Variants in LAMC1 observed in about 807,000 individuals in gnomAD.
LAMC1 encodes the protein laminin subunit gamma 1.
A neutral mutation model predicts 173.6 loss-of-function variants in LAMC1; 38 were observed. The observed-to-expected ratio is 0.22, with a 90% CI of 0.17 to 0.29. The LOEUF is 0.29. LAMC1 is among the 10% of genes least tolerant of loss of function. The probability of loss-of-function intolerance (pLI) is 1.00; values close to 1 mark genes in which losing one functional copy is unlikely to be tolerated. For missense variants in LAMC1, 1,824 were observed against 2,051.8 expected (o/e 0.89, Z 2.14); for synonymous variants, 746 against 749.1 (o/e 1.00, Z 0.07).
chr1:183,055,572 G>T (rs558442122), intron 1 of LAMC1, among the ~76,000 whole-genome samples: 1 of 152,100 alleles, frequency 6.6e-6, no homozygotes, highest in African/African-American at 2.4e-5. Flanking sequence ...CCAGCATCTT[G>T]AGAGGCCAAG....
At chr1:183,030,438 T>C (rs1424728878) in intron 1 of LAMC1, among the ~76,000 whole-genome samples, 1 of 152,188 alleles carries the variant, frequency 6.6e-6, no homozygotes, top group Non-Finnish European at 1.5e-5. Flanking sequence ...TTCATAAAAA[T>C]ATATGTACAG....
In LAMC1 at chr1:183,023,732, C is replaced by T. The variant is rs1157501792; in HGVS notation, c.16C>T (p.Arg6Trp). The change falls in exon 1 of 28, where the codon CGG becomes TGG. Residue 6 changes from arginine to tryptophan, a missense_variant. Transcript: ENST00000258341. The part of the protein sequence containing the change: MRGSH[R>W]AAPALRPRGR... ...GGGCGGCGGGATGAGAGGGAGCCAT[C>T]GGGCCGCGCCGGCCCTGCGGCCCCG... 19 of 1,190,270 alleles carry T rather than the reference C, an allele frequency of 1.6e-5. No individual in the cohort carries two copies. The highest frequency in any genetic ancestry group is 2.0e-5 in the Non-Finnish European group (19 of 953,946). The allele number at this position is 1,190,270 out of a possible 1,614,324, so 73.7% of individuals were successfully genotyped here.
chr1:183,066,328 G>A (rs1654872187), intron 1 of LAMC1, among the ~76,000 whole-genome samples: 1 of 152,212 alleles, frequency 6.6e-6, no homozygotes, highest in Non-Finnish European at 1.5e-5. Flanking sequence ...AGGATGTGGG[G>A]AAATAGGAAT....
Position 183,142,689 on chromosome 1 carries a change from C to A in LAMC1, c.4729C>A (p.Arg1577=). The change falls in exon 28 of 28, where the codon CGA becomes AGA. Residue 1577 remains arginine, a synonymous_variant. Transcript: ENST00000258341. ...KQEAAIMDYN[R]DIEEIMKDIR... ...GGAGGCTGCCATCATGGACTATAAC[C>A]GAGATATCGAGGAGATCATGAAGGA... 2 of 1,614,040 alleles carry A rather than the reference C, an allele frequency of 1.2e-6. No individual in the cohort carries two copies. Among genetic ancestry groups the A allele is most frequent in the South Asian group, 2.2e-5 (2 of 91,066 alleles).
Position 183,134,597 on chromosome 1 carries a change from C to A in LAMC1, c.3850-63C>A, listed in dbSNP as rs1415907758. 5 of 1,357,252 alleles carry A rather than the reference C, an allele frequency of 3.7e-6. No homozygotes were observed. In the Admixed American group the frequency reaches 8.0e-5, roughly 22 times the overall value. 84.1% of individuals were successfully genotyped at this position (1,357,252 alleles called of 1,614,324 possible). On this transcript the variant is annotated intron_variant, in intron 22 of 27. Coordinates refer to ENST00000258341, the MANE Select transcript of LAMC1 (RefSeq NM_002293.4). ...TATTAGGTGTTACAGAGTTCCTAAGCCTACCTTTTCATTAGTTTAAATGTT... is the reference window on the plus strand; with the variant it reads ...TATTAGGTGTTACAGAGTTCCTAAGACTACCTTTTCATTAGTTTAAATGTT...
intron 1 of LAMC1, among the ~76,000 whole-genome samples, chr1:183,099,151 C>T (rs532685689): frequency 1.9e-3 from 282 of 152,078 alleles, no homozygotes; most frequent in Non-Finnish European, 3.1e-3. Flanking sequence ...TGCAATGTCG[C>T]GATCTCGGCT....
intron 4 of LAMC1, among the ~76,000 whole-genome samples, chr1:183,112,613 G>A (rs547528002): frequency 2.0e-5 from 3 of 152,238 alleles, no homozygotes; most frequent in East Asian, 1.9e-4. Flanking sequence ...GGGAGCCATG[G>A]CATTTGCTTT....
chr1:183,079,894 G>A (rs1392779453), intron 1 of LAMC1, among the ~76,000 whole-genome samples: 3 of 152,212 alleles, frequency 2.0e-5, no homozygotes, highest in African/African-American at 4.8e-5. Flanking sequence ...TCGTTTTACA[G>A]TGTTACTCAT....
At chr1:183,059,847 A>G (rs748615011) in intron 1 of LAMC1, among the ~76,000 whole-genome samples, 1 of 152,204 alleles carries the variant, frequency 6.6e-6, no homozygotes, top group Non-Finnish European at 1.5e-5. Context: ...AACTACGTGC[A>G]TCAGAGTAAG....
chr1:183,112,865 A>G (rs1656199870), intron 4 of LAMC1, among the ~76,000 whole-genome samples: 1 of 152,214 alleles, frequency 6.6e-6, no homozygotes, highest in South Asian at 2.1e-4. Flanking sequence ...GTACTATGAA[A>G]TAACTGATCA....
rs191524654 is a variant in LAMC1 at position 183,085,298 on chromosome 1, C to T, written c.419-18030C>T. Among the ~76,000 whole-genome samples the T allele has an allele frequency of 4.4e-3, 669 of 151,976 alleles. 5 individuals are homozygous for T. The highest frequency in any genetic ancestry group is 0.015 in the African/African-American group (642 of 41,458). On this transcript the variant is annotated intron_variant, in intron 1 of 27. Transcript: ENST00000258341. ...TGTACCTTTCCTAAGGCTTAGTACACCCTGCTCTGTGTTGCTCCTTGACTG... is the reference window on the plus strand; with the variant it reads ...TGTACCTTTCCTAAGGCTTAGTACATCCTGCTCTGTGTTGCTCCTTGACTG...
At chr1:183,110,418 T>C (rs1656111806) in intron 3 of LAMC1, 70 bp from the exon 4 acceptor site, 1 of 1,220,620 alleles carries the variant, frequency 8.2e-7, no homozygotes, top group Non-Finnish European at 1.2e-6. Context: ...TTTGTGTACA[T>C]AGTTTTTCTG....
intron 1 of LAMC1, among the ~76,000 whole-genome samples, chr1:183,093,755 C>G (rs574677060): frequency 2.3e-4 from 35 of 152,296 alleles, no homozygotes; most frequent in African/African-American, 7.7e-4. Flanking sequence ...TCTCCATCCC[C>G]CCATGGCTGC....
At chr1:183,105,935 A>T (rs1463492037) in intron 2 of LAMC1, among the ~76,000 whole-genome samples, 4 of 152,204 alleles carry the variant, frequency 2.6e-5, no homozygotes, top group Non-Finnish European at 5.9e-5. Flanking sequence ...TTATGGTAAT[A>T]ATTTACATTT....
rs148831319 is a variant in LAMC1 at position 183,055,880 on chromosome 1, A to G, written c.418+31746A>G. Among the ~76,000 whole-genome samples the G allele has an allele frequency of 3.3e-3, 502 of 152,338 alleles. 3 individuals are homozygous for G. Among genetic ancestry groups the G allele is most frequent in the African/African-American group, 0.012 (487 of 41,584 alleles). ...ATGTGGTGTTTGGTGCAAAGCAAGCATACAATTGATGATTATTTTTCATGA... is the reference window on the plus strand; with the variant it reads ...ATGTGGTGTTTGGTGCAAAGCAAGCGTACAATTGATGATTATTTTTCATGA... On this transcript the variant is annotated intron_variant, in intron 1 of 27. Transcript: ENST00000258341.
intron 13 of LAMC1, among the ~76,000 whole-genome samples, chr1:183,123,651 A>G (rs1317273022): frequency 6.6e-6 from 1 of 152,056 alleles, no homozygotes; most frequent in Non-Finnish European, 1.5e-5. Context: ...CCTTCACCCC[A>G]TCATGCTGCT....
In LAMC1 at chr1:183,053,420, T is replaced by G. The variant is rs557266790; in HGVS notation, c.418+29286T>G. ...CATCTGGATCTGTTTTTTGTGTGTG[T>G]TTTTTTTTTTCATTTCAAACTAATG... On this transcript the variant is annotated intron_variant, in intron 1 of 27. Transcript: ENST00000258341. Among the ~76,000 whole-genome samples, 104 of 120,480 alleles carry G rather than the reference T, an allele frequency of 8.6e-4. 1 individual carries two copies. In the East Asian group the frequency reaches 0.014, roughly 17 times the overall value. The allele number at this position is 120,480 out of a possible 152,430, so 79.0% of individuals were successfully genotyped here. A position where few individuals can be genotyped will look rare whatever the true frequency, so the allele number is the denominator to read the frequency against.
intron 4 of LAMC1, 104 bp from the exon 5 acceptor site, chr1:183,114,427 C>T: frequency 1.8e-6 from 2 of 1,124,710 alleles, no homozygotes; most frequent in South Asian, 2.5e-5. Context: ...CTACCACCAT[C>T]TGTCTGTCTC....
At chr1:183,131,496 A>G (rs933693998) in intron 20 of LAMC1, 118 bp downstream of exon 20, 2 of 707,434 alleles carry the variant, frequency 2.8e-6, no homozygotes, top group Middle Eastern at 2.6e-4. Context: ...CACTTTCTAC[A>G]TAACCCACTT....
Sources: allele counts gnomAD v4.1 joint callset (sites outside exome capture counted in the v4.1 genomes callset), GRCh38; gene constraint gnomAD v4.1.1; transcripts MANE v1.5; gene names NCBI Gene and HGNC (gene_info 2026-07-23, HGNC 2026-07-21).